Variants in ACOX3 observed in about 807,000 individuals in gnomAD.
The protein encoded by ACOX3 is acyl-CoA oxidase 3, pristanoyl, also known as peroxisomal acyl-coenzyme A oxidase 3.
Under a neutral mutation model 81.5 loss-of-function variants are expected in ACOX3, and 73 were observed. That is an observed-to-expected ratio of 0.90 (90% CI 0.74 to 1.09). The LOEUF is 1.09. ACOX3 is among the 50% of genes least tolerant of loss of function. The pLI, the probability that ACOX3 is intolerant of heterozygous loss-of-function variation, is 0.00. For missense variants in ACOX3, 947 were observed against 928.0 expected (o/e 1.02, Z -0.27); for synonymous variants, 387 against 375.1 (o/e 1.03, Z -0.37).
At chr4:8,418,151 A>G (rs988729959) in intron 1 of ACOX3, among the ~76,000 whole-genome samples, 1 of 152,252 alleles carries the variant, frequency 6.6e-6, no homozygotes, top group Non-Finnish European at 1.5e-5. Flanking sequence ...AGAAGATAAT[A>G]CTTCCCAACT....
rs926526884 is a variant in ACOX3 at position 8,423,937 on chromosome 4, C to T, written c.-14-7402G>A. 3.9e-5 allele frequency among the ~76,000 whole-genome samples: 6 copies of T among 152,216 alleles called. No homozygotes were observed. The highest frequency in any genetic ancestry group is 1.4e-4 in the African/African-American group (6 of 41,458). ...TGTCCTTCGGTATGCGGATGATTTACTTTTAGCCACCCATTCAGAAACCTT... is the reference window on the plus strand; with the variant it reads ...TGTCCTTCGGTATGCGGATGATTTATTTTTAGCCACCCATTCAGAAACCTT... On this transcript the variant is annotated intron_variant, in intron 1 of 17. Coordinates refer to ENST00000356406, the MANE Select transcript of ACOX3 (RefSeq NM_003501.3). This position sits in a 1 kb window ranked among gnomAD's most constrained non-coding sequence, Gnocchi z 4.2.
chr4:8,359,478 T>C, the ACOX3 span, among the ~76,000 whole-genome samples: 3 of 152,186 alleles, frequency 2.0e-5, no homozygotes, highest in Non-Finnish European at 2.9e-5. The surrounding 1 kb of genome is among the most constrained non-coding windows in gnomAD (Gnocchi z 6.0). Flanking sequence ...AAGGTCCCTC[T>C]CAGTAAAGTC....
At position 8,424,842 on chromosome 4, in the gene ACOX3, CG is replaced by C. The variant is rs535291640; in HGVS notation, c.-14-8308del. ...ATCCCGACCTCAACTTGTATACTGA[CG>C]GAAGTTCCTTTGTAGAAAAACGACT... On this transcript the variant is annotated intron_variant, in intron 1 of 17. Transcript: ENST00000356406. 3.9e-3 allele frequency among the ~76,000 whole-genome samples: 592 copies of C among 152,284 alleles called. 4 individuals are homozygous for C. The highest frequency in any genetic ancestry group is 0.014 in the African/African-American group (575 of 41,552).
In ACOX3 at chr4:8,416,380, TA is replaced by T. The variant is rs1722336611; in HGVS notation, c.141del (p.Phe47LeufsTer31). The T allele has an allele frequency of 6.2e-7, 1 of 1,614,012 alleles. No individual in the cohort carries two copies. The highest frequency in any genetic ancestry group is 1.7e-5 in the Admixed American group (1 of 60,000). ...CTGCGCACAACCGCACGCCTCACCT[TA>T]AAGCGGAGCATGCCCTCCCCTTCCG... ...LFTEGEGMLR[F>X]KKTIFSALEN... On this transcript the variant is annotated frameshift_variant, in exon 2 of 18. Transcript: ENST00000356406. LOFTEE classifies it high-confidence loss of function. This position sits in a 1 kb window ranked among gnomAD's most constrained non-coding sequence, Gnocchi z 4.2.
intron 14 of ACOX3, among the ~76,000 whole-genome samples, chr4:8,378,473 G>A (rs1578868667): frequency 6.6e-6 from 1 of 152,318 alleles, no homozygotes; most frequent in African/African-American, 2.4e-5. Flanking sequence ...TGTGGCAGGG[G>A]TTGGTCCCAG....
At chr4:8,424,979 T>C (rs1453919660) in intron 1 of ACOX3, among the ~76,000 whole-genome samples, 1 of 152,158 alleles carries the variant, frequency 6.6e-6, no homozygotes, top group South Asian at 2.1e-4. Context: ...ACTCAGGCAC[T>C]AAAATTAGGA....
chr4:8,363,200 A>AC (rs1289088984), downstream of ACOX3, among the ~76,000 whole-genome samples: 3 of 152,210 alleles, frequency 2.0e-5, no homozygotes, highest in Non-Finnish European at 4.4e-5. Context: ...AGAATCAGCT[A>AC]ACAGCCCCAT....
chr4:8,417,494 C>T (rs997101080), intron 1 of ACOX3, among the ~76,000 whole-genome samples: 8 of 152,294 alleles, frequency 5.3e-5, no homozygotes, highest in Middle Eastern at 3.4e-3. Context: ...TACTGCCCCC[C>T]ATGAAAGATG....
intron 1 of ACOX3, chr4:8,439,283 C>T (rs1445448208): frequency 6.6e-6 from 1 of 152,188 alleles, no homozygotes; most frequent in African/African-American, 2.4e-5. Context: ...CCGTCCAGCC[C>T]AGCAACAATT....
At chr4:8,361,998 A>T (rs1203253757), downstream of ACOX3, among the ~76,000 whole-genome samples, 1 of 152,228 alleles carries the variant, frequency 6.6e-6, no homozygotes, top group Non-Finnish European at 1.5e-5. Flanking sequence ...AAATCATTGC[A>T]TGCCACAAAG....
chr4:8,415,581 A>T (rs995669397), intron 3 of ACOX3, among the ~76,000 whole-genome samples, 185 bp downstream of exon 3: 2 of 152,136 alleles, frequency 1.3e-5, no homozygotes, highest in African/African-American at 4.8e-5. Context: ...GCTTGAAAAT[A>T]AAAAAATGAA....
At chr4:8,440,531 A>C in intron 1 of ACOX3, 117 bp downstream of exon 1, 2 of 334,122 alleles carry the variant, frequency 6.0e-6, no homozygotes, top group East Asian at 4.8e-5. Flanking sequence ...TTTTATCGGT[A>C]ATCAGTACTG....
intron 1 of ACOX3, among the ~76,000 whole-genome samples, chr4:8,435,686 T>G (rs994590331): frequency 7.9e-5 from 12 of 152,280 alleles, no homozygotes; most frequent in Admixed American, 3.3e-4. Context: ...CCAGCATAAA[T>G]TTAGCCCTGT....
chr4:8,420,167 C>A (rs1722777930), intron 1 of ACOX3, among the ~76,000 whole-genome samples: 1 of 152,242 alleles, frequency 6.6e-6, no homozygotes, highest in Non-Finnish European at 1.5e-5. Flanking sequence ...GCACAGCTGG[C>A]TCCAAATCCC....
chr4:8,360,044 C>T, the ACOX3 span, among the ~76,000 whole-genome samples: 1 of 152,176 alleles, frequency 6.6e-6, no homozygotes, highest in Non-Finnish European at 1.5e-5. Context: ...ACAAACTTTG[C>T]TGCAGGTCCC....
At chr4:8,375,792 T>C (rs902068412) in intron 14 of ACOX3, among the ~76,000 whole-genome samples, 15 of 152,220 alleles carry the variant, frequency 9.9e-5, no homozygotes, top group African/African-American at 3.4e-4. Context: ...GCTGCATTAG[T>C]CTGCTGAGGA....
At chr4:8,421,610 C>A (rs1722955366) in intron 1 of ACOX3, among the ~76,000 whole-genome samples, 2 of 152,216 alleles carry the variant, frequency 1.3e-5, no homozygotes, top group African/African-American at 4.8e-5. Flanking sequence ...CTGATCCCTG[C>A]CTCCTAGGTA....
chr4:8,414,769 C>A lies in ACOX3; in HGVS notation c.453+85G>T. On this transcript the variant is annotated intron_variant, in intron 4 of 17. Coordinates refer to ENST00000356406, the MANE Select transcript of ACOX3 (RefSeq NM_003501.3). This position sits in a 1 kb window ranked among gnomAD's most constrained non-coding sequence, Gnocchi z 6.1. ...AGAGCATAAGCCCCCTGGGCACCCC[C>A]TTCTACAATCTTCTCTTTTCACAAA... 1 of 1,407,418 alleles carries A rather than the reference C, an allele frequency of 7.1e-7. No individual in the cohort carries two copies. Among genetic ancestry groups the A allele is most frequent in the Non-Finnish European group, 1.0e-6 (1 of 993,710 alleles). The allele number at this position is 1,407,418 out of a possible 1,614,324, so 87.2% of individuals were successfully genotyped here. A position where few individuals can be genotyped will look rare whatever the true frequency, so the allele number is the denominator to read the frequency against.
In ACOX3 at chr4:8,423,739, T is replaced by A. The variant is rs1456454168; in HGVS notation, c.-14-7204A>T. Among the ~76,000 whole-genome samples, 1 of 152,246 alleles carries A rather than the reference T, an allele frequency of 6.6e-6. No individual in the cohort carries two copies. Among genetic ancestry groups the A allele is most frequent in the Non-Finnish European group, 1.5e-5 (1 of 68,046 alleles). On this transcript the variant is annotated intron_variant, in intron 1 of 17. Coordinates refer to ENST00000356406, the MANE Select transcript of ACOX3 (RefSeq NM_003501.3). The surrounding 1 kb of genome is among the most constrained non-coding windows in gnomAD (Gnocchi z 4.2). ...AGTCCTGGACCTTAAGGATGCCTTT[T>A]ACTGCATCCCTGTACATCCTGACTC...
Sources: gnomAD v4.1 joint callset for allele counts (sites outside exome capture counted in the v4.1 genomes callset) on GRCh38, gnomAD v4.1.1 for gene constraint, Gnocchi (gnomAD v3.1) non-coding constraint, MANE v1.5 for transcripts, NCBI Gene and HGNC (gene_info 2026-07-23, HGNC 2026-07-21) for gene names.